NTRK2: variants seen among roughly 807,000 people sequenced by gnomAD.
NTRK2 encodes the protein BDNF/NT-3 growth factors receptor.
A neutral mutation model predicts 94.5 loss-of-function variants in NTRK2; 13 were observed. The observed-to-expected ratio is 0.14, with a 90% CI of 0.09 to 0.22. NTRK2 has a LOEUF of 0.22. NTRK2 is among the 10% of genes least tolerant of loss of function. The pLI, the probability that NTRK2 is intolerant of heterozygous loss-of-function variation, is 1.00. For synonymous variants in NTRK2, 372 were observed against 407.4 expected, an observed-to-expected ratio of 0.91 and a Z score of 1.05; for missense variants, 639 against 1,071.2, an observed-to-expected ratio of 0.60 and a Z score of 5.63.
At chr9:84,672,828 A>G (rs1402457668) in intron 2 of NTRK2, among the ~76,000 whole-genome samples, 1 of 152,224 alleles carries the variant, frequency 6.6e-6, no homozygotes, top group Non-Finnish European at 1.5e-5. Flanking sequence ...GAGCTTTCTT[A>G]TATCTGTCCT....
At chr9:84,908,360 G>A (rs1270321076) in intron 14 of NTRK2, among the ~76,000 whole-genome samples, 2 of 152,114 alleles carry the variant, frequency 1.3e-5, no homozygotes, top group Admixed American at 1.3e-4. Flanking sequence ...TGCCTTTCTA[G>A]TCTTTAAAAC....
chr9:84,688,292 C>T (rs535325168), intron 2 of NTRK2, among the ~76,000 whole-genome samples: 17 of 152,278 alleles, frequency 1.1e-4, no homozygotes, highest in Non-Finnish European at 1.9e-4. Context: ...CCAGGCTGAT[C>T]GGCCCTTTGC....
At chr9:84,792,293 T>C (rs1256162032) in intron 12 of NTRK2, among the ~76,000 whole-genome samples, 1 of 152,232 alleles carries the variant, frequency 6.6e-6, no homozygotes, top group Non-Finnish European at 1.5e-5. Flanking sequence ...GAGATAATAA[T>C]GAAATGGACT....
intron 13 of NTRK2, among the ~76,000 whole-genome samples, chr9:84,861,827 G>C (rs1166988058): frequency 1.3e-5 from 2 of 152,130 alleles, no homozygotes; most frequent in African/African-American, 2.4e-5. Context: ...TTGGGCATCT[G>C]TTGGTTAGTT....
intron 2 of NTRK2, among the ~76,000 whole-genome samples, chr9:84,693,362 GT>G (rs1005360929): frequency 1.8e-4 from 27 of 151,488 alleles, no homozygotes; most frequent in Middle Eastern, 3.2e-3. Context: ...AAAATGTTAA[GT>G]TTTTTTTTCT....
chr9:84,924,284 AAAGAAAGAAAG>A, intron 14 of NTRK2, among the ~76,000 whole-genome samples: 1 of 151,976 alleles, frequency 6.6e-6, no homozygotes, highest in South Asian at 2.1e-4. Flanking sequence ...AGAAAGAAAG[AAAGAAAGAAAG>A]AGGAAAAAAA....
At chr9:84,796,182 A>G (rs148876897) in intron 12 of NTRK2, among the ~76,000 whole-genome samples, 1 of 152,264 alleles carries the variant, frequency 6.6e-6, no homozygotes, top group Non-Finnish European at 1.5e-5. Flanking sequence ...GCTTAATGTT[A>G]TCAGGGACAT....
intron 17 of NTRK2, among the ~76,000 whole-genome samples, chr9:85,001,617 A>G (rs923559): frequency 0.73 from 111,180 of 152,166 alleles, 41,277 homozygotes; most frequent in African/African-American, 0.82. Flanking sequence ...AGAAAGGATG[A>G]GAGTTAATTA....
intron 14 of NTRK2, among the ~76,000 whole-genome samples, chr9:84,925,607 G>A (rs1174871057): frequency 6.6e-6 from 1 of 152,166 alleles, no homozygotes; most frequent in Non-Finnish European, 1.5e-5. Context: ...AGATCTGACT[G>A]CAGCTTCTGT....
intron 2 of NTRK2, among the ~76,000 whole-genome samples, chr9:84,696,120 C>T (rs1185689556): frequency 5.3e-5 from 8 of 152,150 alleles, no homozygotes; most frequent in Admixed American, 1.3e-4. Flanking sequence ...AGTGATCCTC[C>T]CACCTCAGTC....
At chr9:85,019,202 C>A (rs1832563321) in intron 17 of NTRK2, among the ~76,000 whole-genome samples, 2 of 152,092 alleles carry the variant, frequency 1.3e-5, no homozygotes, top group African/African-American at 4.8e-5. Context: ...CTCTATGCAC[C>A]ATTACTCTAT....
At chr9:84,718,241 G>T (rs1188287695) in intron 6 of NTRK2, among the ~76,000 whole-genome samples, 2 of 152,122 alleles carry the variant, frequency 1.3e-5, no homozygotes, top group Non-Finnish European at 2.9e-5. Context: ...GACACTTATG[G>T]TCTAAATCCC....
chr9:84,968,050 A>G (rs1006422926), intron 17 of NTRK2, among the ~76,000 whole-genome samples: 1 of 152,204 alleles, frequency 6.6e-6, no homozygotes, highest in African/African-American at 2.4e-5. Flanking sequence ...GGGTCTTGTA[A>G]GGAAGACTGA....
At chr9:84,718,563 C>T (rs2061857684) in intron 6 of NTRK2, among the ~76,000 whole-genome samples, 1 of 152,164 alleles carries the variant, frequency 6.6e-6, no homozygotes, top group Admixed American at 6.5e-5. Context: ...GACATTTACG[C>T]AGAGGTATCT....
chr9:84,952,168 G>A (rs534179927), intron 16 of NTRK2, among the ~76,000 whole-genome samples: 1 of 152,216 alleles, frequency 6.6e-6, no homozygotes, highest in Non-Finnish European at 1.5e-5. Context: ...GTTACAGTTG[G>A]GGAAACTGAA....
At chr9:84,917,023 C>A (rs1323457802) in intron 14 of NTRK2, among the ~76,000 whole-genome samples, 1 of 152,166 alleles carries the variant, frequency 6.6e-6, no homozygotes, top group Non-Finnish European at 1.5e-5. Flanking sequence ...AATTAGCCTT[C>A]CACAGCCTCC....
At chr9:84,678,718 A>T (rs931020289) in intron 2 of NTRK2, among the ~76,000 whole-genome samples, 1 of 152,180 alleles carries the variant, frequency 6.6e-6, no homozygotes, top group Non-Finnish European at 1.5e-5. Flanking sequence ...ATGGTGAAAC[A>T]AAACAAAACA....
intron 17 of NTRK2, among the ~76,000 whole-genome samples, chr9:84,993,066 T>C (rs1010191890): frequency 3.3e-5 from 5 of 152,100 alleles, no homozygotes; most frequent in African/African-American, 1.2e-4. Flanking sequence ...AATGTTCTTT[T>C]CTTGGCTCCC....
At chr9:84,869,651 G>C (rs934646301) in intron 14 of NTRK2, among the ~76,000 whole-genome samples, 1 of 151,936 alleles carries the variant, frequency 6.6e-6, no homozygotes, top group African/African-American at 2.4e-5. Context: ...GTCTCTTTTA[G>C]GTTAGACTGT....
Sources: gnomAD v4.1 joint callset for allele counts (sites outside exome capture counted in the v4.1 genomes callset) on GRCh38, gnomAD v4.1.1 for gene constraint, MANE v1.5 for transcripts, NCBI Gene and HGNC (gene_info 2026-07-23, HGNC 2026-07-21) for gene names.